Variants in CDH6 observed in about 807,000 individuals in gnomAD.
CDH6 encodes cadherin-6.
Under a neutral mutation model 78.0 loss-of-function variants are expected in CDH6, and 31 were observed. The observed-to-expected ratio is 0.40, with a 90% CI of 0.30 to 0.54. The LOEUF (loss-of-function observed/expected upper bound fraction) is 0.54, where lower values mean the gene tolerates loss of function less well. Ranked by LOEUF, CDH6 falls within the 20% of genes least tolerant of loss-of-function variation. The probability of loss-of-function intolerance (pLI) is 0.56; values close to 1 mark genes in which losing one functional copy is unlikely to be tolerated. For missense variants in CDH6, 724 were observed against 975.9 expected (o/e 0.74, Z 3.44); for synonymous variants, 376 against 368.8 (o/e 1.02, Z -0.23).
chr5:31,233,180 A>C (rs1317365346), intron 1 of CDH6, among the ~76,000 whole-genome samples: 1 of 151,696 alleles, frequency 6.6e-6, no homozygotes, highest in African/African-American at 2.4e-5. Flanking sequence ...ACAAATGCAC[A>C]CATATACACA....
At chr5:31,261,355 C>T (rs1742207133) in intron 1 of CDH6, among the ~76,000 whole-genome samples, 1 of 151,964 alleles carries the variant, frequency 6.6e-6, no homozygotes, top group Admixed American at 6.6e-5. Context: ...GAAAATGTAC[C>T]AAAAAGTAAT....
chr5:31,291,373 C>T (rs1371214602), intron 2 of CDH6, among the ~76,000 whole-genome samples: 1 of 152,294 alleles, frequency 6.6e-6, no homozygotes. Flanking sequence ...ATTTGGGAGG[C>T]ACTTTGTAAT....
chr5:31,206,781 A>C (rs1305438962), intron 1 of CDH6, among the ~76,000 whole-genome samples: 1 of 152,220 alleles, frequency 6.6e-6, no homozygotes, highest in Non-Finnish European at 1.5e-5. Context: ...TACATCTTAC[A>C]TTAATACAGA....
At chr5:31,224,801 C>A (rs749372955) in intron 1 of CDH6, among the ~76,000 whole-genome samples, 2 of 152,186 alleles carry the variant, frequency 1.3e-5, no homozygotes, top group African/African-American at 2.4e-5. Context: ...TCCTCAGCGT[C>A]CCAAAGTGCT....
At chr5:31,238,861 C>T (rs1389147402) in intron 1 of CDH6, among the ~76,000 whole-genome samples, 1 of 152,206 alleles carries the variant, frequency 6.6e-6, no homozygotes, top group Admixed American at 6.5e-5. Flanking sequence ...TTTGTTCTTA[C>T]TGGCAATGTA....
Position 31,253,849 on chromosome 5 carries a change from T to C in CDH6, c.-128-13497T>C, listed in dbSNP as rs573764977. ...GGTTTTTTTTTTTTAGAAGCGAATCTGAATGAAATTGTTAATATTGACTAA... is the reference window on the plus strand; with the variant it reads ...GGTTTTTTTTTTTTAGAAGCGAATCCGAATGAAATTGTTAATATTGACTAA... On this transcript the variant is annotated intron_variant, in intron 1 of 11. Transcript: ENST00000265071. 2.6e-5 allele frequency among the ~76,000 whole-genome samples: 4 copies of C among 151,988 alleles called. No individual in the cohort carries two copies. In the East Asian group the frequency reaches 7.7e-4, roughly 29 times the overall value.
At position 31,267,674 on chromosome 5, in the gene CDH6, A is replaced by G. The variant is rs2149933629; in HGVS notation, c.201A>G (p.Thr67=). The G allele has an allele frequency of 1.1e-5, 17 of 1,613,980 alleles. No homozygotes were observed. The highest frequency in any genetic ancestry group is 1.4e-5 in the Non-Finnish European group (16 of 1,179,820). ...WNQFFLLEEY[T]GSDYQYVGKL... Reference sequence around the variant, plus strand: ...AGTTCTTTCTCCTGGAGGAATACACAGGATCCGATTATCAGTATGTGGGCA... The same window carrying G: ...AGTTCTTTCTCCTGGAGGAATACACGGGATCCGATTATCAGTATGTGGGCA... Residue 67 remains threonine, a synonymous_variant, in exon 2 of 12, where the codon ACA becomes ACG. Coordinates refer to ENST00000265071, the MANE Select transcript of CDH6 (RefSeq NM_004932.4).
At chr5:31,214,854 C>G (rs1283950443) in intron 1 of CDH6, among the ~76,000 whole-genome samples, 1 of 152,160 alleles carries the variant, frequency 6.6e-6, no homozygotes, top group Non-Finnish European at 1.5e-5. Context: ...CATATCAGTT[C>G]ATTCCTGAGA....
intron 1 of CDH6, chr5:31,251,534 T>G (rs1273118807): frequency 1.3e-5 from 2 of 152,214 alleles, no homozygotes; most frequent in African/African-American, 4.8e-5. Flanking sequence ...TATTTTCTTG[T>G]TCTGTGAGTT....
intron 7 of CDH6, 127 bp from the exon 8 acceptor site, chr5:31,313,191 G>A: frequency 2.7e-6 from 2 of 752,966 alleles, no homozygotes; most frequent in Non-Finnish European, 4.2e-6. Context: ...ATGCACTAGA[G>A]ATGGAAAAAA....
At chr5:31,287,173 G>A (rs1743033987) in intron 2 of CDH6, among the ~76,000 whole-genome samples, 1 of 152,162 alleles carries the variant, frequency 6.6e-6, no homozygotes, top group African/African-American at 2.4e-5. Flanking sequence ...AAAAGAGATA[G>A]AGGATCTCAT....
At chr5:31,258,896 G>T (rs1742132050) in intron 1 of CDH6, among the ~76,000 whole-genome samples, 1 of 152,200 alleles carries the variant, frequency 6.6e-6, no homozygotes, top group African/African-American at 2.4e-5. Context: ...CACCCCCTTA[G>T]AGTGCATTCA....
chr5:31,268,388 A>C (rs2149933964), intron 2 of CDH6, among the ~76,000 whole-genome samples: 1 of 152,354 alleles, frequency 6.6e-6, no homozygotes, highest in South Asian at 2.1e-4. Flanking sequence ...TCCAGAAAGT[A>C]AAGTGAGGAG....
At chr5:31,224,046 G>C (rs569288469) in intron 1 of CDH6, among the ~76,000 whole-genome samples, 3 of 152,104 alleles carry the variant, frequency 2.0e-5, no homozygotes, top group African/African-American at 4.8e-5. Context: ...GTAACCCTGC[G>C]TACTAGTCTG....
At chr5:31,288,563 T>C (rs34699115) in intron 2 of CDH6, among the ~76,000 whole-genome samples, 44,469 of 152,124 alleles carry the variant, frequency 0.29, 7,139 homozygotes, top group Admixed American at 0.37. Flanking sequence ...TGTATACATG[T>C]AGACATCTAT....
intron 1 of CDH6, among the ~76,000 whole-genome samples, chr5:31,264,517 C>T (rs1219833349): frequency 6.6e-6 from 1 of 152,142 alleles, no homozygotes; most frequent in Non-Finnish European, 1.5e-5. Context: ...GACCCCAGCA[C>T]TGTTGATCAT....
chr5:31,228,709 C>T (rs1018580268), intron 1 of CDH6, among the ~76,000 whole-genome samples: 4 of 152,206 alleles, frequency 2.6e-5, no homozygotes, highest in African/African-American at 9.6e-5. Context: ...CTCACATGCG[C>T]AGTTCACAAT....
At chr5:31,205,118 A>T (rs1307178392) in intron 1 of CDH6, among the ~76,000 whole-genome samples, 1 of 152,226 alleles carries the variant, frequency 6.6e-6, no homozygotes, top group African/African-American at 2.4e-5. Flanking sequence ...AGATGAGGGC[A>T]TCCCTTGTAA....
chr5:31,235,399 T>C (rs1741429441), intron 1 of CDH6, among the ~76,000 whole-genome samples: 1 of 152,108 alleles, frequency 6.6e-6, no homozygotes, highest in Non-Finnish European at 1.5e-5. Flanking sequence ...GTTTTGTGAT[T>C]TCATTTCAAA....
Sources: allele counts gnomAD v4.1 joint callset (sites outside exome capture counted in the v4.1 genomes callset), GRCh38; gene constraint gnomAD v4.1.1; transcripts MANE v1.5; gene names NCBI Gene and HGNC (gene_info 2026-07-23, HGNC 2026-07-21).